CCDC3: variants seen among roughly 807,000 people sequenced by gnomAD.
The protein encoded by CCDC3 is coiled-coil domain containing 3, also known as coiled-coil domain-containing protein 3.
A neutral mutation model predicts 21.4 loss-of-function variants in CCDC3; 24 were observed. That is an observed-to-expected ratio of 1.12 (90% confidence interval 0.81 to 1.58). The LOEUF (loss-of-function observed/expected upper bound fraction) is 1.58, where lower values mean the gene tolerates loss of function less well. CCDC3 is among the 40% of genes most tolerant of loss of function. The probability of loss-of-function intolerance (pLI) is 0.00; values close to 1 mark genes in which losing one functional copy is unlikely to be tolerated. For missense variants in CCDC3, 425 were observed against 360.9 expected (o/e 1.18, Z -1.44); for synonymous variants, 186 against 166.0 (o/e 1.12, Z -0.93).
chr10:12,919,576 C>A (rs140205386), intron 2 of CCDC3, among the ~76,000 whole-genome samples: 1,129 of 107,254 alleles, frequency 0.011, 14 homozygotes, highest in East Asian at 0.041. Context: ...GGCTACAGAG[C>A]AAGACTGTCT....
intron 5 of CCDC3, among the ~76,000 whole-genome samples, chr10:13,028,461 T>A (rs1836253948): frequency 6.6e-6 from 1 of 152,062 alleles, no homozygotes; most frequent in South Asian, 2.1e-4. Context: ...CATAACAGAA[T>A]TTAGAAGAGG....
At chr10:13,095,687 G>T (rs1000537457) in intron 3 of CCDC3, among the ~76,000 whole-genome samples, 3 of 152,138 alleles carry the variant, frequency 2.0e-5, no homozygotes, top group African/African-American at 7.2e-5. Flanking sequence ...TTCACCACCC[G>T]GGGTTTGGGG....
chr10:12,984,697 G>A (rs1835560432), intron 2 of CCDC3, among the ~76,000 whole-genome samples: 2 of 152,156 alleles, frequency 1.3e-5, no homozygotes, highest in East Asian at 3.8e-4. Flanking sequence ...ACCATACCAT[G>A]AAATATTATT....
At chr10:13,031,450 G>A (rs1030168194) in intron 5 of CCDC3, among the ~76,000 whole-genome samples, 1 of 152,098 alleles carries the variant, frequency 6.6e-6, no homozygotes, top group Non-Finnish European at 1.5e-5. Flanking sequence ...AGAAGCAAGA[G>A]CAAATACATT....
chr10:13,076,988 T>C (rs1836972681), intron 3 of CCDC3, among the ~76,000 whole-genome samples: 1 of 152,048 alleles, frequency 6.6e-6, no homozygotes, highest in Admixed American at 6.6e-5. Flanking sequence ...CTATTACACA[T>C]AGTGTTGGAA....
intron 3 of CCDC3, among the ~76,000 whole-genome samples, chr10:13,085,833 G>C (rs1380772496): frequency 1.3e-5 from 2 of 152,120 alleles, no homozygotes; most frequent in Non-Finnish European, 2.9e-5. Context: ...TAGGTGTGGT[G>C]GTAGATGCCT....
At chr10:12,948,813 G>C (rs1172826668) in intron 2 of CCDC3, among the ~76,000 whole-genome samples, 3 of 133,464 alleles carry the variant, frequency 2.2e-5, no homozygotes, top group Non-Finnish European at 4.6e-5. Context: ...CTCACTGCAA[G>C]CTCCACCTCC....
At chr10:12,940,506 G>C (rs1258793722) in intron 2 of CCDC3, among the ~76,000 whole-genome samples, 1 of 152,162 alleles carries the variant, frequency 6.6e-6, no homozygotes, top group Non-Finnish European at 1.5e-5. Context: ...AGGGAGGCCT[G>C]AAGTATAGTA....
intron 2 of CCDC3, among the ~76,000 whole-genome samples, chr10:12,978,890 A>G (rs904074259): frequency 2.0e-4 from 30 of 152,090 alleles, no homozygotes; most frequent in African/African-American, 7.2e-4. Flanking sequence ...AGTAAATGCA[A>G]TCTCAGGACC....
chr10:13,001,454 C>A lies in CCDC3; in HGVS notation c.117G>T (p.Leu39=). 1 of 1,447,960 alleles carries A rather than the reference C, an allele frequency of 6.9e-7. No individual in the cohort carries two copies. The highest frequency in any genetic ancestry group is 1.4e-5 in the South Asian group (1 of 69,472). The allele number at this position is 1,447,960 out of a possible 1,614,324, so 89.7% of individuals were successfully genotyped here. ...CCCTGGCGTACACGATGGTCTCGGC[C>A]AGCTCGGCGCGGCAGCCCTCGCTCA... ...RPLSEGCRAE[L]AETIVYARVL... Residue 39 remains leucine (L), a synonymous_variant, in exon 1 of 3, where the codon CTG becomes CTT. Transcript: ENST00000378825.
intron 5 of CCDC3, among the ~76,000 whole-genome samples, chr10:13,034,743 C>G (rs1347988251): frequency 6.7e-6 from 1 of 148,540 alleles, no homozygotes; most frequent in Non-Finnish European, 1.5e-5. Flanking sequence ...CCAGGTCTGG[C>G]GCTGGGTGCG....
intron 2 of CCDC3, among the ~76,000 whole-genome samples, chr10:12,986,430 A>G (rs1406613731): frequency 6.6e-6 from 1 of 152,150 alleles, no homozygotes; most frequent in African/African-American, 2.4e-5. Flanking sequence ...TTTCTTTGCA[A>G]CTGCCTGTGA....
chr10:13,097,036 G>A (rs1380282852), intron 3 of CCDC3, among the ~76,000 whole-genome samples: 1 of 152,204 alleles, frequency 6.6e-6, no homozygotes, highest in East Asian at 1.9e-4. Flanking sequence ...CCTGAAGGTA[G>A]GAAGCCCAAA....
chr10:13,093,057 G>A (rs1042260612), intron 3 of CCDC3, among the ~76,000 whole-genome samples: 1 of 146,378 alleles, frequency 6.8e-6, no homozygotes, highest in African/African-American at 2.6e-5. Context: ...CAAAAACAAA[G>A]GAGTTACTGA....
chr10:13,074,864 C>T (rs1836941936), intron 3 of CCDC3, among the ~76,000 whole-genome samples: 1 of 152,134 alleles, frequency 6.6e-6, no homozygotes, highest in Non-Finnish European at 1.5e-5. Context: ...TTTTGATCCA[C>T]ATATCACATT....
At chr10:13,016,334 G>GAAAAAAAA (rs72075391) in intron 5 of CCDC3, among the ~76,000 whole-genome samples, 1 of 78,370 alleles carries the variant, frequency 1.3e-5, no homozygotes, top group Non-Finnish European at 2.5e-5. Context: ...TTGGTAAAGC[G>GAAAAAAAA]AAAAAAAAAA....
chr10:13,025,693 A>G (rs941507921), intron 5 of CCDC3, among the ~76,000 whole-genome samples: 13 of 152,206 alleles, frequency 8.5e-5, no homozygotes, highest in African/African-American at 2.9e-4. Flanking sequence ...ACTATCAATT[A>G]TCCTCAGATA....
chr10:13,010,063 C>T lies in CCDC3; in HGVS notation c.-1-11551G>A, dbSNP rs554211805. ...AGGAGTTCGAGACCAGCCTGGCCAA[C>T]GTGGTGAAACCCTATCTCTACTAAA... is the stretch of plus-strand genomic sequence containing the variant. On this transcript the variant is annotated intron_variant, in intron 5 of 6. Coordinates refer to the CCDC3 transcript ENST00000378839. Among the ~76,000 whole-genome samples the T allele has an allele frequency of 1.7e-3, 256 of 152,208 alleles. 2 individuals are homozygous for T. The highest frequency in any genetic ancestry group is 6.0e-3 in the African/African-American group (249 of 41,538).
At chr10:12,963,791 T>C (rs1244615294) in intron 2 of CCDC3, among the ~76,000 whole-genome samples, 4 of 151,994 alleles carry the variant, frequency 2.6e-5, no homozygotes, top group African/African-American at 7.2e-5. Flanking sequence ...CATGTTGTTC[T>C]GGCTGGTCTC....
Sources: gnomAD v4.1 joint callset for allele counts (sites outside exome capture counted in the v4.1 genomes callset) on GRCh38, gnomAD v4.1.1 for gene constraint, MANE v1.5 for transcripts, NCBI Gene and HGNC (gene_info 2026-07-23, HGNC 2026-07-21) for gene names.